Variants in DCLK3 observed in about 807,000 individuals in gnomAD.
DCLK3 encodes the protein serine/threonine-protein kinase DCLK3.
In DCLK3, 30 loss-of-function variants were observed where a neutral mutation model predicts 46.4. The ratio of observed to expected loss-of-function variants is 0.65; its 90% CI spans 0.48 to 0.88. DCLK3 has a LOEUF of 0.88. DCLK3 is among the 40% of genes least tolerant of loss of function. DCLK3 has a pLI of 0.00. For synonymous variants in DCLK3, 401 were observed against 339.2 expected (o/e 1.18, Z -2.00); for missense variants, 846 against 907.1 (o/e 0.93, Z 0.87).
chr3:36,744,543 C>A (rs1020628782), intron 1 of DCLK3, among the ~76,000 whole-genome samples: 1 of 152,204 alleles, frequency 6.6e-6, no homozygotes, highest in Admixed American at 6.5e-5. Context: ...ATTAATTAAT[C>A]CCTATGAACC....
chr3:36,738,978 T>A lies in DCLK3; in HGVS notation c.189A>T (p.Lys63Asn), dbSNP rs990303615. The change falls in exon 2 of 5, where the codon AAA becomes AAT. Residue 63 changes from lysine to asparagine, a missense_variant. Coordinates refer to ENST00000636136, the MANE Select transcript of DCLK3 (RefSeq NM_001394672.2). ...WLPASRGNLE[K>N]PFLGPRGPVV... ...CGGGGCCACGCGGCCCCAGGAATGGTTTCTCCAGATTCCCTCGGCTGGCAG... is the reference window on the plus strand; with the variant it reads ...CGGGGCCACGCGGCCCCAGGAATGGATTCTCCAGATTCCCTCGGCTGGCAG... The A allele has an allele frequency of 2.5e-6, 1 of 399,236 alleles. No homozygotes were observed. Among genetic ancestry groups the A allele is most frequent in the East Asian group, 3.6e-5 (1 of 28,074 alleles). The allele number at this position is 399,236 out of a possible 1,614,324, so 24.7% of individuals were successfully genotyped here. A position where few individuals can be genotyped will look rare whatever the true frequency, so the allele number is the denominator to read the frequency against.
chr3:36,759,102 A>G (rs1457354383), intron 1 of DCLK3, among the ~76,000 whole-genome samples: 2 of 152,242 alleles, frequency 1.3e-5, no homozygotes, highest in Non-Finnish European at 2.9e-5. Context: ...TATAATAAAA[A>G]TAATTTAAGC....
rs1701280602 is a variant in DCLK3, at chr3:36,737,593, T to C, written c.1574A>G (p.Tyr525Cys). Reference protein sequence around the residue: ...GIIAANVEKHYETGRVIGDGN... With the variant: ...GIIAANVEKHCETGRVIGDGN... Reference sequence around the variant, plus strand: ...ATCCCCAATGACCCGGCCAGTCTCATAATGCTTTTCCACATTGGCGGCAAT... The same window carrying C: ...ATCCCCAATGACCCGGCCAGTCTCACAATGCTTTTCCACATTGGCGGCAAT... The change falls in exon 2 of 5, where the codon TAT (tyrosine) becomes TGT (cysteine). Residue 525 changes from tyrosine to cysteine, a missense_variant. Tyr to Cys is a radical substitution (Grantham distance 194, BLOSUM62 -2). Coordinates refer to ENST00000636136, the MANE Select transcript of DCLK3 (RefSeq NM_001394672.2). The surrounding 1 kb of genome is among the most constrained non-coding windows in gnomAD (Gnocchi z 4.4). The C allele has an allele frequency of 6.2e-7, 1 of 1,614,176 alleles. No individual in the cohort carries two copies. Among genetic ancestry groups the C allele is most frequent in the Non-Finnish European group, 8.5e-7 (1 of 1,180,026 alleles).
intron 1 of DCLK3, among the ~76,000 whole-genome samples, chr3:36,760,356 C>A (rs1400857429): frequency 6.6e-6 from 1 of 152,058 alleles, no homozygotes; most frequent in African/African-American, 2.4e-5. Flanking sequence ...CATTTTCATT[C>A]TCAGCAAACT....
rs1030234757 is a variant in DCLK3 at position 36,713,826 on chromosome 3, T to G, written c.*1502A>C. ...TTGGATGGCCCTTCAGTATTGTCCC[T>G]GTTTGGGACAAAGGAGCTGAGCCAC... is the stretch of plus-strand genomic sequence containing the variant. On this transcript the variant is annotated 3_prime_UTR_variant, in exon 5 of 5. Coordinates refer to ENST00000636136, the MANE Select transcript of DCLK3 (RefSeq NM_001394672.2). The G allele has an allele frequency of 3.3e-5, 5 of 152,240 alleles. No individual in the cohort carries two copies. Among genetic ancestry groups the G allele is most frequent in the African/African-American group, 1.2e-4 (5 of 41,452 alleles). The allele number at this position is 152,240 out of a possible 1,614,324, so 9.4% of individuals were successfully genotyped here. A position where few individuals can be genotyped will look rare whatever the true frequency, so the allele number is the denominator to read the frequency against.
At chr3:36,728,659 G>A (rs762820102) in intron 2 of DCLK3, among the ~76,000 whole-genome samples, 7 of 152,110 alleles carry the variant, frequency 4.6e-5, no homozygotes, top group African/African-American at 7.2e-5. Flanking sequence ...GCTGAGCCAC[G>A]CTACTGGTAT....
rs1219038293 is a variant in DCLK3, at chr3:36,749,114, G to T, written c.83-10030C>A. 2.0e-5 allele frequency among the ~76,000 whole-genome samples: 3 copies of T among 152,232 alleles called. No homozygotes were observed. The East Asian group carries it at 5.8e-4, about 29-fold the overall frequency. On this transcript the variant is annotated intron_variant, in intron 1 of 4. Coordinates refer to ENST00000636136, the MANE Select transcript of DCLK3 (RefSeq NM_001394672.2). ...AAATCCCAAGAGGGCATGGCTCCCA[G>T]GCCAGGCTGCTGTTTCCTACGGCCT...
chr3:36,755,980 C>A (rs1246307653), intron 1 of DCLK3, among the ~76,000 whole-genome samples: 1 of 152,196 alleles, frequency 6.6e-6, no homozygotes, highest in Non-Finnish European at 1.5e-5. Flanking sequence ...TGACACATGG[C>A]ACTTCCACCT....
At chr3:36,759,506 T>G (rs535286629) in intron 1 of DCLK3, among the ~76,000 whole-genome samples, 1 of 152,290 alleles carries the variant, frequency 6.6e-6, no homozygotes, top group East Asian at 1.9e-4. Flanking sequence ...AGAAGTAACC[T>G]TCGTTGAGTT....
rs958528494 is a variant in DCLK3 at position 36,721,900 on chromosome 3, A to T, written c.1960-241T>A. On this transcript the variant is annotated intron_variant, in intron 2 of 4. Transcript: ENST00000636136. The stretch of plus-strand genomic sequence containing the variant: ...AATATGGTAGCACCATATTGTCACA[A>T]GTGGCTACTTAAGTTTATTAAGTAA... Among the ~76,000 whole-genome samples, 5 of 152,334 alleles carry T rather than the reference A, an allele frequency of 3.3e-5. No homozygotes were observed. The East Asian group carries it at 9.6e-4, about 29-fold the overall frequency.
At chr3:36,753,430 C>A (rs1701460911) in intron 1 of DCLK3, among the ~76,000 whole-genome samples, 1 of 152,160 alleles carries the variant, frequency 6.6e-6, no homozygotes, top group African/African-American at 2.4e-5. Flanking sequence ...CCTTACCTAG[C>A]CCTCTGCACC....
At chr3:36,730,197 C>T (rs1328854908) in intron 2 of DCLK3, among the ~76,000 whole-genome samples, 34 of 45,258 alleles carry the variant, frequency 7.5e-4, no homozygotes, top group African/African-American at 2.1e-3. Context: ...CATATATACA[C>T]ACACACACAC....
chr3:36,736,858 A>G (rs986732336), intron 2 of DCLK3, among the ~76,000 whole-genome samples: 1 of 152,208 alleles, frequency 6.6e-6, no homozygotes, highest in Non-Finnish European at 1.5e-5. Flanking sequence ...TGATGCACAC[A>G]AAGCCTCGAG....
chr3:36,756,959 G>A (rs1479707504), intron 1 of DCLK3, among the ~76,000 whole-genome samples: 1 of 151,736 alleles, frequency 6.6e-6, no homozygotes, highest in Non-Finnish European at 1.5e-5. Flanking sequence ...GCTCTGCTAT[G>A]AAAACAATGC....
rs1398685809 is a variant in DCLK3 at position 36,721,591 on chromosome 3, C to G, written c.2028G>C (p.Val676=). 1 of 1,614,030 alleles carries G rather than the reference C, an allele frequency of 6.2e-7. No individual in the cohort carries two copies. Among genetic ancestry groups the G allele is most frequent in the Non-Finnish European group, 8.5e-7 (1 of 1,180,038 alleles). ...LADFGLAKHV[V]RPIFTVCGTP... is the part of the protein sequence containing the mutation. Reference sequence around the variant, plus strand: ...TCCCACACACAGTAAATATAGGTCTCACCACATGCTTTGCAAGTCCAAAAT... The same window carrying G: ...TCCCACACACAGTAAATATAGGTCTGACCACATGCTTTGCAAGTCCAAAAT... Residue 676 remains valine (V), a synonymous_variant, in exon 3 of 5, where the codon GTG becomes GTC. Coordinates refer to ENST00000636136, the MANE Select transcript of DCLK3 (RefSeq NM_001394672.2).
At chr3:36,733,390 C>G (rs1052480128) in intron 2 of DCLK3, among the ~76,000 whole-genome samples, 3 of 152,172 alleles carry the variant, frequency 2.0e-5, no homozygotes, top group Non-Finnish European at 2.9e-5. Context: ...CTCAAATGAC[C>G]GTGCTCAATG....
At chr3:36,722,061 A>G (rs1701068282) in intron 2 of DCLK3, among the ~76,000 whole-genome samples, 1 of 152,218 alleles carries the variant, frequency 6.6e-6, no homozygotes, top group Non-Finnish European at 1.5e-5. Context: ...GCTATTAGAC[A>G]GCATTGACTT....
At chr3:36,739,781 C>T (rs1701324902) in intron 1 of DCLK3, 1 of 152,258 alleles carries the variant, frequency 6.6e-6, no homozygotes, top group African/African-American at 2.4e-5. Context: ...TCCAGCTACC[C>T]CAAAGTGAAC....
chr3:36,728,811 G>A (rs1464807096), intron 2 of DCLK3, among the ~76,000 whole-genome samples: 1 of 152,086 alleles, frequency 6.6e-6, no homozygotes, highest in Admixed American at 6.5e-5. Flanking sequence ...AGAGAACTCT[G>A]GCTAATACAA....
Sources: allele counts gnomAD v4.1 joint callset (sites outside exome capture counted in the v4.1 genomes callset), GRCh38; gene constraint gnomAD v4.1.1; non-coding constraint Gnocchi (gnomAD v3.1); transcripts MANE v1.5; gene names NCBI Gene and HGNC (gene_info 2026-07-23, HGNC 2026-07-21).